The following RUNDC3B variants were observed in gnomAD, a reference collection of about 807,000 sequenced individuals.
RUNDC3B encodes the protein RUN domain containing 3B.
Under a neutral mutation model 58.4 loss-of-function variants are expected in RUNDC3B, and 33 were observed. The observed-to-expected ratio is 0.56, with a 90% CI of 0.43 to 0.75. The LOEUF is 0.75. RUNDC3B is among the 30% of genes least tolerant of loss of function. The pLI is 0.00. For synonymous variants in RUNDC3B, 193 were observed against 195.2 expected (o/e 0.99, Z 0.10); for missense variants, 501 against 535.7 (o/e 0.94, Z 0.64).
chr7:87,650,381 T>C (rs1360529638), intron 1 of RUNDC3B, among the ~76,000 whole-genome samples: 1 of 152,034 alleles, frequency 6.6e-6, no homozygotes, highest in Non-Finnish European at 1.5e-5. Context: ...CACCATCAGA[T>C]TGGGTGTCTG....
intron 8 of RUNDC3B, among the ~76,000 whole-genome samples, chr7:87,780,906 A>C (rs1360392792): frequency 6.6e-6 from 1 of 152,114 alleles, no homozygotes; most frequent in Non-Finnish European, 1.5e-5. Context: ...ATATAGTTTA[A>C]AGTCGGGTAA....
intron 1 of RUNDC3B, among the ~76,000 whole-genome samples, chr7:87,634,312 T>C (rs1470447858): frequency 2.6e-5 from 4 of 152,122 alleles, no homozygotes; most frequent in African/African-American, 4.8e-5. Flanking sequence ...GATTGCAGCA[T>C]AATCCTTTAA....
chr7:87,688,131 A>G (rs1023048464), intron 2 of RUNDC3B, among the ~76,000 whole-genome samples: 1 of 152,092 alleles, frequency 6.6e-6, no homozygotes, highest in Non-Finnish European at 1.5e-5. Flanking sequence ...ACACCCTTTT[A>G]AGTTATGTAC....
chr7:87,648,791 A>G (rs1208389689), intron 1 of RUNDC3B, among the ~76,000 whole-genome samples: 2 of 152,170 alleles, frequency 1.3e-5, no homozygotes, highest in African/African-American at 4.8e-5. Flanking sequence ...TTACTTAATT[A>G]TAAAGATTAT....
At chr7:87,759,081 C>G (rs992884282) in intron 6 of RUNDC3B, among the ~76,000 whole-genome samples, 2 of 152,110 alleles carry the variant, frequency 1.3e-5, no homozygotes, top group Admixed American at 6.5e-5. Flanking sequence ...TGGGATCATA[C>G]TAAGTATCCA....
rs1468348829 is a variant in RUNDC3B, at chr7:87,628,584, C to CGTGCGTGT, written c.-237_-236insCGTGTGTG. ...CGAGGGCGGAGGTGGTGCGTGCGTG[C>CGTGCGTGT]GTGTGTGTGTGTGTGTGTGTGTGTG... On this transcript the variant is annotated 5_prime_UTR_variant, in exon 1 of 11. Transcript: ENST00000394654. 2.9e-4 allele frequency: 85 copies of CGTGCGTGT among 290,756 alleles called. No individual in the cohort carries two copies. The highest frequency in any genetic ancestry group is 9.6e-4 in the African/African-American group (40 of 41,764). The allele number at this position is 290,756 out of a possible 1,614,324, so 18.0% of individuals were successfully genotyped here.
chr7:87,745,978 C>T (rs1009918104), intron 6 of RUNDC3B, among the ~76,000 whole-genome samples: 1 of 151,950 alleles, frequency 6.6e-6, no homozygotes, highest in African/African-American at 2.4e-5. Context: ...TTGCTGTATC[C>T]GAGAGGTTTT....
chr7:87,776,375 T>G (rs1489459949), intron 7 of RUNDC3B, among the ~76,000 whole-genome samples: 1 of 152,120 alleles, frequency 6.6e-6, no homozygotes, highest in African/African-American at 2.4e-5. Context: ...ACTATACAGT[T>G]TTTAGAGCAA....
chr7:87,726,751 G>A lies in RUNDC3B; in HGVS notation c.459-13040G>A, dbSNP rs534642361. 2.0e-4 allele frequency among the ~76,000 whole-genome samples: 31 copies of A among 152,234 alleles called. No homozygotes were observed. In the South Asian group the frequency reaches 2.9e-3, roughly 14 times the overall value. On this transcript the variant is annotated intron_variant, in intron 4 of 10. Coordinates refer to ENST00000394654, the MANE Select transcript of RUNDC3B (RefSeq NM_001134405.2). ...ATGGAATGTTCTTCCATTTGTTTGT[G>A]TCCTCTTTTATTTTCTTGAGCAGTT...
intron 1 of RUNDC3B, among the ~76,000 whole-genome samples, chr7:87,646,186 T>C (rs1822980607): frequency 6.6e-6 from 1 of 152,214 alleles, no homozygotes; most frequent in Non-Finnish European, 1.5e-5. Flanking sequence ...ACGTAACCTA[T>C]GAGTAATGTA....
chr7:87,703,598 A>G (rs1287640543), intron 3 of RUNDC3B, among the ~76,000 whole-genome samples: 1 of 152,096 alleles, frequency 6.6e-6, no homozygotes, highest in Non-Finnish European at 1.5e-5. Context: ...AGGTTGGATC[A>G]GTTTTCTTCT....
chr7:87,795,259 G>A (rs1310111953), intron 8 of RUNDC3B, among the ~76,000 whole-genome samples: 1 of 152,098 alleles, frequency 6.6e-6, no homozygotes. Flanking sequence ...CAGAATATAA[G>A]GAATTCAAAC....
At chr7:87,767,465 C>CT (rs1185213561) in intron 6 of RUNDC3B, among the ~76,000 whole-genome samples, 2 of 152,264 alleles carry the variant, frequency 1.3e-5, no homozygotes, top group East Asian at 1.9e-4. Context: ...TTATAGATAG[C>CT]TTTTTTTGCA....
At chr7:87,777,688 T>G in intron 7 of RUNDC3B, 110 bp from the exon 8 acceptor site, 5 of 776,814 alleles carry the variant, frequency 6.4e-6, no homozygotes, top group Non-Finnish European at 1.0e-5. Context: ...GCTTTGAAAT[T>G]GTTTCATTAC....
At chr7:87,811,941 G>A (rs909485944) in intron 9 of RUNDC3B, among the ~76,000 whole-genome samples, 1 of 152,156 alleles carries the variant, frequency 6.6e-6, no homozygotes, top group Non-Finnish European at 1.5e-5. Context: ...CTGTCTCGAT[G>A]TACATTCATG....
chr7:87,655,833 T>C (rs534063575), intron 2 of RUNDC3B, among the ~76,000 whole-genome samples: 1 of 152,146 alleles, frequency 6.6e-6, no homozygotes, highest in African/African-American at 2.4e-5. Flanking sequence ...TTGGGAGGTG[T>C]TCTTAGCTCA....
At chr7:87,786,078 A>G (rs1835197956) in intron 8 of RUNDC3B, among the ~76,000 whole-genome samples, 2 of 151,994 alleles carry the variant, frequency 1.3e-5, no homozygotes, top group Admixed American at 1.3e-4. Flanking sequence ...TTTCTCTCAA[A>G]CAATCTGTTT....
chr7:87,795,750 A>G (rs906644595), intron 8 of RUNDC3B, among the ~76,000 whole-genome samples: 2 of 150,710 alleles, frequency 1.3e-5, no homozygotes, highest in African/African-American at 4.9e-5. Context: ...ATAGCCAGGC[A>G]TGGTGGCGGA....
intron 1 of RUNDC3B, among the ~76,000 whole-genome samples, chr7:87,634,491 GGGT>G (rs1168815724): frequency 4.7e-5 from 6 of 126,806 alleles, no homozygotes; most frequent in Admixed American, 1.6e-4. Flanking sequence ...TGGTGGTGGG[GGGT>G]GGGGGGGGGG....
Sources: gnomAD v4.1 joint callset for allele counts (sites outside exome capture counted in the v4.1 genomes callset) on GRCh38, gnomAD v4.1.1 for gene constraint, MANE v1.5 for transcripts, NCBI Gene and HGNC (gene_info 2026-07-23, HGNC 2026-07-21) for gene names.